EXOC6B: variants seen among roughly 807,000 people sequenced by gnomAD.
EXOC6B encodes the protein exocyst complex component 6B, also known as SEC15 homolog B.
A neutral mutation model predicts 113.5 loss-of-function variants in EXOC6B; 54 were observed. That is an observed-to-expected ratio of 0.48 (90% CI 0.38 to 0.60). The LOEUF is 0.60. Ranked by LOEUF, EXOC6B falls within the 20% of genes least tolerant of loss-of-function variation. The pLI is 0.00. For missense variants in EXOC6B, 797 were observed against 977.5 expected, an observed-to-expected ratio of 0.82 and a Z score of 2.46; for synonymous variants, 357 against 339.0, an observed-to-expected ratio of 1.05 and a Z score of -0.58.
At chr2:72,717,076 A>C (rs747812474) in intron 6 of EXOC6B, among the ~76,000 whole-genome samples, 1 of 152,198 alleles carries the variant, frequency 6.6e-6, no homozygotes, top group Non-Finnish European at 1.5e-5. Context: ...AATTATTTCT[A>C]TCAGGTTTAT....
chr2:72,243,283 C>T (rs1682439112), intron 20 of EXOC6B, among the ~76,000 whole-genome samples: 1 of 152,124 alleles, frequency 6.6e-6, no homozygotes, highest in Non-Finnish European at 1.5e-5. Flanking sequence ...ACTATAAAGA[C>T]ACATGCACAC....
chr2:72,569,906 T>C lies in EXOC6B; in HGVS notation c.846+5586A>G, dbSNP rs544994768. ...ATGCTGAGAGAAATTACATAATTTGTCCCAATACCACAAAGAAAAAAGCTT... is the reference window on the plus strand; with the variant it reads ...ATGCTGAGAGAAATTACATAATTTGCCCCAATACCACAAAGAAAAAAGCTT... On this transcript the variant is annotated intron_variant, in intron 7 of 21. Transcript: ENST00000272427. Among the ~76,000 whole-genome samples the C allele has an allele frequency of 7.2e-5, 11 of 152,276 alleles. No homozygotes were observed. In the South Asian group the frequency reaches 2.3e-3, roughly 32 times the overall value.
At chr2:72,335,548 GCACACACACACACACACACACA>G (rs70963124) in intron 19 of EXOC6B, among the ~76,000 whole-genome samples, 8 of 135,000 alleles carry the variant, frequency 5.9e-5, no homozygotes, top group Admixed American at 2.2e-4. Context: ...CTGCATTATT[GCACACACACACACACACACACA>G]CACACACACA....
chr2:72,804,653 T>C (rs1376090256), intron 1 of EXOC6B, among the ~76,000 whole-genome samples: 1 of 152,078 alleles, frequency 6.6e-6, no homozygotes, highest in Non-Finnish European at 1.5e-5. Context: ...TGGAGTACAA[T>C]GGCACGATCT....
At chr2:72,274,416 T>C (rs954403124) in intron 20 of EXOC6B, among the ~76,000 whole-genome samples, 4 of 152,168 alleles carry the variant, frequency 2.6e-5, no homozygotes, top group African/African-American at 7.2e-5. Flanking sequence ...ACAAAGTATT[T>C]TGCAATGTCG....
chr2:72,772,734 G>C (rs1050133260), intron 1 of EXOC6B, among the ~76,000 whole-genome samples: 1 of 152,096 alleles, frequency 6.6e-6, no homozygotes, highest in South Asian at 2.1e-4. Flanking sequence ...CTATGCACTC[G>C]ACCAATCAGC....
At chr2:72,192,119 G>T (rs949235963) in intron 20 of EXOC6B, among the ~76,000 whole-genome samples, 1 of 152,068 alleles carries the variant, frequency 6.6e-6, no homozygotes, top group Non-Finnish European at 1.5e-5. Context: ...CAATTCTTGG[G>T]ATATGAGCCT....
rs754722759 is a variant in EXOC6B, at chr2:72,513,172, A to C, written c.1127T>G (p.Met376Arg). 6.2e-7 allele frequency: 1 copy of C among 1,613,352 alleles called. No homozygotes were observed. Among genetic ancestry groups the C allele is most frequent in the Non-Finnish European group, 8.5e-7 (1 of 1,179,450 alleles). ...NRAYIDELWE[M>R]ALSKTIAALR... ...TGCTGCGATGGTTTTTGAAAGTGCC[A>C]TTTCCCACAGTTCATCAATGTAGGC... Residue 376 changes from methionine (M) to arginine (R), a missense_variant, in exon 11 of 22, where the codon ATG (methionine) becomes AGG (arginine). By Grantham distance (91) the Met-to-Arg change is moderately conservative (BLOSUM62 -1). Coordinates refer to ENST00000272427, the MANE Select transcript of EXOC6B (RefSeq NM_015189.3).
Position 72,415,722 on chromosome 2 carries a change from T to C in EXOC6B, c.1981-35852A>G, listed in dbSNP as rs556913129. 2.4e-4 allele frequency among the ~76,000 whole-genome samples: 36 copies of C among 152,264 alleles called. 1 individual carries two copies. Among genetic ancestry groups the C allele is most frequent in the Admixed American group, 1.2e-3 (19 of 15,288 alleles). On this transcript the variant is annotated intron_variant, in intron 18 of 21. Transcript: ENST00000272427. ...AGAATAGGCAGCACAAAGTGAAATTTCTGACTATGCATTGACCTCATCACA... is the reference window on the plus strand; with the variant it reads ...AGAATAGGCAGCACAAAGTGAAATTCCTGACTATGCATTGACCTCATCACA...
intron 8 of EXOC6B, among the ~76,000 whole-genome samples, chr2:72,533,403 G>A (rs1364561110): frequency 4.6e-5 from 7 of 152,202 alleles, no homozygotes; most frequent in Admixed American, 4.6e-4. Context: ...AACTGTCTCA[G>A]CAAGGCTGAA....
intron 1 of EXOC6B, among the ~76,000 whole-genome samples, chr2:72,757,422 C>G (rs1342127878): frequency 6.6e-6 from 1 of 152,154 alleles, no homozygotes; most frequent in Non-Finnish European, 1.5e-5. Context: ...CAGGAATTTC[C>G]TCTGGCCTAC....
intron 20 of EXOC6B, among the ~76,000 whole-genome samples, chr2:72,192,319 A>G (rs967446392): frequency 1.3e-5 from 2 of 152,210 alleles, no homozygotes; most frequent in Non-Finnish European, 2.9e-5. Context: ...AGAGACTTAT[A>G]CTTTGTGCTT....
In EXOC6B at chr2:72,496,518, G is replaced by T. The variant is rs753069474; in HGVS notation, c.1379C>A (p.Thr460Lys). 23 of 1,595,176 alleles carry T rather than the reference G, an allele frequency of 1.4e-5. No homozygotes were observed. The highest frequency in any genetic ancestry group is 9.4e-5 in the African/African-American group (7 of 74,556). Reference protein sequence around the residue: ...DSDNYSPIPVTSEEMYKKVVG... With the variant: ...DSDNYSPIPVKSEEMYKKVVG... Reference sequence around the variant, plus strand: ...CACCTTTTTGTACATCTCTTCACTTGTTACTGGTATAGGACTGTAGTTGTC... The same window carrying T: ...CACCTTTTTGTACATCTCTTCACTTTTTACTGGTATAGGACTGTAGTTGTC... The change falls in exon 14 of 22, where the codon ACA becomes AAA. Residue 460 changes from threonine to lysine, a missense_variant. By Grantham distance (78) the Thr-to-Lys change is moderately conservative (BLOSUM62 -1). Coordinates refer to ENST00000272427, the MANE Select transcript of EXOC6B (RefSeq NM_015189.3).
At chr2:72,339,008 C>T (rs1688870132) in intron 19 of EXOC6B, among the ~76,000 whole-genome samples, 2 of 150,912 alleles carry the variant, frequency 1.3e-5, no homozygotes, top group South Asian at 4.2e-4. Context: ...GCTCATATTG[C>T]AGTACTTTCC....
chr2:72,588,514 G>C (rs1330891323), intron 6 of EXOC6B, among the ~76,000 whole-genome samples: 2 of 152,048 alleles, frequency 1.3e-5, no homozygotes, highest in East Asian at 3.9e-4. Flanking sequence ...GTGGTTGCTA[G>C]GGCTGGGAGC....
chr2:72,815,499 A>G (rs1413869155), intron 1 of EXOC6B, among the ~76,000 whole-genome samples: 1 of 149,022 alleles, frequency 6.7e-6, no homozygotes, highest in Admixed American at 6.6e-5. Flanking sequence ...TTCAAAAAAA[A>G]AAAAAAGAAA....
chr2:72,470,465 TAAGA>T (rs1226364929), intron 17 of EXOC6B, among the ~76,000 whole-genome samples: 2 of 151,956 alleles, frequency 1.3e-5, no homozygotes, highest in Admixed American at 1.3e-4. Flanking sequence ...TTTTCAGCTC[TAAGA>T]GTTTTTTCTT....
chr2:72,731,022 T>C lies in EXOC6B; in HGVS notation c.449A>G (p.Gln150Arg). The C allele has an allele frequency of 1.3e-6, 2 of 1,538,070 alleles. No homozygotes were observed. The highest frequency in any genetic ancestry group is 1.7e-6 in the Non-Finnish European group (2 of 1,144,220). The part of the protein sequence containing the change: ...VLEMYSKLRD[Q>R]MKTKRHYPAL... ...AAAATCTTACCTTTTAGTTTTCATC[T>C]GGTCCCTCAGTTTGCTGTACATCTC... Residue 150 changes from glutamine (Q) to arginine (R), a missense_variant, in exon 5 of 22, where the codon CAG (glutamine) becomes CGG (arginine). Coordinates refer to ENST00000272427, the MANE Select transcript of EXOC6B (RefSeq NM_015189.3).
At chr2:72,616,331 G>T (rs929184251) in intron 6 of EXOC6B, among the ~76,000 whole-genome samples, 2 of 152,074 alleles carry the variant, frequency 1.3e-5, no homozygotes, top group Non-Finnish European at 2.9e-5. Context: ...GCAAACCTGA[G>T]CAAAAAGAAC....
Sources: gnomAD v4.1 joint callset for allele counts (sites outside exome capture counted in the v4.1 genomes callset) on GRCh38, gnomAD v4.1.1 for gene constraint, MANE v1.5 for transcripts, NCBI Gene and HGNC (gene_info 2026-07-23, HGNC 2026-07-21) for gene names.